The following LMTK3 variants were observed in gnomAD, a reference collection of about 807,000 sequenced individuals.
The protein encoded by LMTK3 is serine/threonine-protein kinase LMTK3.
A neutral mutation model predicts 116.7 loss-of-function variants in LMTK3; 27 were observed. The ratio of observed to expected loss-of-function variants is 0.23; its 90% CI spans 0.17 to 0.32. The LOEUF (loss-of-function observed/expected upper bound fraction) is 0.32. Among genes scored for constraint, LMTK3 ranks in the 10% least tolerant of loss-of-function variants. The pLI is 1.00. For synonymous variants in LMTK3, 965 were observed against 971.0 expected (o/e 0.99, Z 0.11); for missense variants, 1,764 against 2,068.5 (o/e 0.85, Z 2.86).
rs114550539 is a variant in LMTK3, at chr19:48,494,627, C to T, written c.3677-518G>A. Among the ~76,000 whole-genome samples the T allele has an allele frequency of 0.012, 1,842 of 152,282 alleles. 31 individuals carry two copies. Among genetic ancestry groups the T allele is most frequent in the African/African-American group, 0.041 (1,712 of 41,546 alleles). ...TACAGGCATGAGCCACCACACCCGG[C>T]CAGATCCACCTCTCTGAGCCTCTGT... On this transcript the variant is annotated intron_variant, in intron 11 of 14. Transcript: ENST00000600059. The surrounding 1 kb of genome is among the most constrained non-coding windows in gnomAD (Gnocchi z 4.0).
chr19:48,511,617 G>A lies in LMTK3; in HGVS notation c.-41C>T. On this transcript the variant is annotated 5_prime_UTR_variant, in exon 1 of 15. Coordinates refer to ENST00000600059, the MANE Select transcript of LMTK3 (RefSeq NM_001388485.1). Reference sequence around the variant, plus strand: ...AGGGAGGTGGAGGTGGTGGCGGCTGGGGAGGAGGGGGGGGCGGGCCCTCAG... The same window carrying A: ...AGGGAGGTGGAGGTGGTGGCGGCTGAGGAGGAGGGGGGGGCGGGCCCTCAG... 4.4e-6 allele frequency: 3 copies of A among 688,684 alleles called. No individual in the cohort carries two copies. The highest frequency in any genetic ancestry group is 2.4e-5 in the South Asian group (1 of 40,908). The allele number at this position is 688,684 out of a possible 1,614,324, so 42.7% of individuals were successfully genotyped here.
At position 48,485,745 on chromosome 19, in the gene LMTK3, G is replaced by A; in HGVS notation, c.*28C>T. ...TTCCATTCTCAACCCCTCTTCTGAG[G>A]GTGCAGCGGGGTCGGGTCTTCGGGG... is the stretch of plus-strand genomic sequence containing the variant. On this transcript the variant is annotated 3_prime_UTR_variant, in exon 15 of 15. Transcript: ENST00000600059. The A allele has an allele frequency of 1.7e-5, 27 of 1,607,514 alleles. No individual in the cohort carries two copies. Among genetic ancestry groups the A allele is most frequent in the Non-Finnish European group, 2.2e-5 (26 of 1,176,674 alleles).
chr19:48,513,442 G>C, upstream of LMTK3: 2 of 537,040 alleles, frequency 3.7e-6, no homozygotes, highest in Non-Finnish European at 6.7e-6. The surrounding 1 kb of genome is among the most constrained non-coding windows in gnomAD (Gnocchi z 5.6). Context: ...CCGGTCCATC[G>C]GGGACACCGA....
At chr19:48,501,660 C>G in intron 7 of LMTK3, 98 bp from the exon 8 acceptor site, 1 of 1,159,590 alleles carries the variant, frequency 8.6e-7, no homozygotes, top group Non-Finnish European at 1.2e-6. Context: ...CATGACCCTG[C>G]CCCGCCACAC....
chr19:48,510,186 G>A lies in LMTK3; in HGVS notation c.211-13C>T. ...GGTTCTCAAATTCCTGGGGCCAGGA[G>A]AGGAGAAGAGGGGTGGGAGAACGCA... On this transcript the variant is annotated splice_polypyrimidine_tract_variant and intron_variant, in intron 2 of 14. Coordinates refer to ENST00000600059, the MANE Select transcript of LMTK3 (RefSeq NM_001388485.1). 6 of 1,607,252 alleles carry A rather than the reference G, an allele frequency of 3.7e-6. No individual in the cohort carries two copies. The highest frequency in any genetic ancestry group is 5.1e-6 in the Non-Finnish European group (6 of 1,174,478).
In LMTK3 at chr19:48,499,065, G is replaced by A. The variant is rs1376375365; in HGVS notation, c.2004C>T (p.Pro668=). 2 of 1,542,520 alleles carry A rather than the reference G, an allele frequency of 1.3e-6. No homozygotes were observed. The highest frequency in any genetic ancestry group is 1.7e-6 in the Non-Finnish European group (2 of 1,149,354). The part of the protein sequence containing the change: ...GGGPSRRGPL[P]CPLCSREGAC... Reference sequence around the variant, plus strand: ...CCCCCTCGCGGCTGCACAGGGGACAGGGTAGGGGACCCCGGCGGCTTGGGC... The same window carrying A: ...CCCCCTCGCGGCTGCACAGGGGACAAGGTAGGGGACCCCGGCGGCTTGGGC... The change falls in exon 11 of 15, where the codon CCC becomes CCT. Residue 668 remains proline, a synonymous_variant. Transcript: ENST00000600059.
rs1972281067 is a variant in LMTK3, at chr19:48,494,048, C to G, written c.3738G>C (p.Pro1246=). 1 of 1,180,540 alleles carries G rather than the reference C, an allele frequency of 8.5e-7. No individual in the cohort carries two copies. The highest frequency in any genetic ancestry group is 4.6e-5 in the Admixed American group (1 of 21,854). 73.1% of individuals were successfully genotyped at this position (1,180,540 alleles called of 1,614,324 possible). A position where few individuals can be genotyped will look rare whatever the true frequency, so the allele number is the denominator to read the frequency against. ...PPLTLTPFPG[P]GPRRPPWEGA... ...CCTCCCACGGGGGCCGCCGCGGGCC[C>G]GGCCCCGGGAATGGCGTGAGCGTGA... is the stretch of plus-strand genomic sequence containing the variant. Residue 1246 remains proline (P), a synonymous_variant, in exon 12 of 15, where the codon CCG becomes CCC. Coordinates refer to ENST00000600059, the MANE Select transcript of LMTK3 (RefSeq NM_001388485.1). This position sits in a 1 kb window ranked among gnomAD's most constrained non-coding sequence, Gnocchi z 4.0.
chr19:48,499,718 A>G lies in LMTK3; in HGVS notation c.1351T>C (p.Phe451Leu), dbSNP rs748849502. 2 of 1,504,142 alleles carry G rather than the reference A, an allele frequency of 1.3e-6. No homozygotes were observed. Among genetic ancestry groups the G allele is most frequent in the Non-Finnish European group, 1.8e-6 (2 of 1,122,378 alleles). The allele number at this position is 1,504,142 out of a possible 1,614,324, so 93.2% of individuals were successfully genotyped here. ...APRPGTLSSP[F>L]PLLDGFPGAD... ...CCAGGGAAGCCATCCAGTAGGGGGA[A>G]CGGTGAGGAGAGGGTCCCCGGGCGG... The change falls in exon 11 of 15, where the codon TTC becomes CTC. Residue 451 changes from phenylalanine (F) to leucine (L), a missense_variant. Phe to Leu is a conservative substitution (Grantham distance 22). Transcript: ENST00000600059.
chr19:48,493,348 C>T (rs1325486692), intron 12 of LMTK3, among the ~76,000 whole-genome samples: 1 of 144,648 alleles, frequency 6.9e-6, no homozygotes. Context: ...AGCCCGCCCT[C>T]TCCCTGGGCC....
At position 48,485,461 on chromosome 19, in the gene LMTK3, G is replaced by A. The variant is rs1445891309; in HGVS notation, c.*312C>T. 5 of 371,730 alleles carry A rather than the reference G, an allele frequency of 1.3e-5. No homozygotes were observed. The highest frequency in any genetic ancestry group is 2.8e-5 in the South Asian group (1 of 35,342). The allele number at this position is 371,730 out of a possible 1,614,324, so 23.0% of individuals were successfully genotyped here. On this transcript the variant is annotated 3_prime_UTR_variant, in exon 15 of 15. Transcript: ENST00000600059. ...GGTGAGGAGGGACCTCCGCTGTGTC[G>A]AGGGGCTCCAGGCCCAAAAGAGTTC...
chr19:48,504,392 C>T (rs1035694038), intron 5 of LMTK3, among the ~76,000 whole-genome samples: 5 of 152,168 alleles, frequency 3.3e-5, no homozygotes, highest in South Asian at 2.1e-4. Context: ...CAAGCCACTT[C>T]GCTGCTCCCT....
rs566019706 is a variant in LMTK3 at position 48,508,167 on chromosome 19, C to T, written c.557+684G>A. On this transcript the variant is annotated intron_variant, in intron 5 of 14. Transcript: ENST00000600059. ...AGGGACAGTGTCAGACTGCGCAGGG[C>T]CTGTGGGCTGTCAGGAGGACCAGAT... 4.6e-5 allele frequency among the ~76,000 whole-genome samples: 7 copies of T among 152,150 alleles called. No individual in the cohort carries two copies. In the East Asian group the frequency reaches 1.2e-3, roughly 25 times the overall value.
intron 14 of LMTK3, among the ~76,000 whole-genome samples, chr19:48,488,487 C>T (rs1021412628): frequency 3.3e-5 from 5 of 152,042 alleles, no homozygotes; most frequent in African/African-American, 4.8e-5. Context: ...TGCTTATAGT[C>T]GTCCGTGGCT....
rs1347170541 is a variant in LMTK3, at chr19:48,511,750, C to T, written c.-174G>A. Reference sequence around the variant, plus strand: ...GGGCTGCTTGCTGGCTCAGGTACCCCCCTCCCCCTCTTTGAAGGGACAGAC... The same window carrying T: ...GGGCTGCTTGCTGGCTCAGGTACCCTCCTCCCCCTCTTTGAAGGGACAGAC... On this transcript the variant is annotated 5_prime_UTR_variant, in exon 1 of 15. Coordinates refer to ENST00000600059, the MANE Select transcript of LMTK3 (RefSeq NM_001388485.1). 2.4e-6 allele frequency: 1 copy of T among 413,732 alleles called. No individual in the cohort carries two copies. Among genetic ancestry groups the T allele is most frequent in the African/African-American group, 2.1e-5 (1 of 47,796 alleles). 25.6% of individuals were successfully genotyped at this position (413,732 alleles called of 1,614,324 possible). A position where few individuals can be genotyped will look rare whatever the true frequency, so the allele number is the denominator to read the frequency against.
Position 48,491,388 on chromosome 19 carries a change from T to C in LMTK3, c.4228+16A>G, listed in dbSNP as rs1385869262. ...ATGGCTCCCGCCCCCTCCCGCCCCA[T>C]AGGGCCCGTCCTCACCAAAGCCGCT... On this transcript the variant is annotated intron_variant, in intron 13 of 14. Coordinates refer to ENST00000600059, the MANE Select transcript of LMTK3 (RefSeq NM_001388485.1). This position sits in a 1 kb window ranked among gnomAD's most constrained non-coding sequence, Gnocchi z 5.1. 2 of 1,140,400 alleles carry C rather than the reference T, an allele frequency of 1.8e-6. No homozygotes were observed. Among genetic ancestry groups the C allele is most frequent in the East Asian group, 7.7e-5 (1 of 12,962 alleles). The allele number at this position is 1,140,400 out of a possible 1,614,324, so 70.6% of individuals were successfully genotyped here. A position where few individuals can be genotyped will look rare whatever the true frequency, so the allele number is the denominator to read the frequency against.
chr19:48,489,565 C>A (rs1024682392), intron 14 of LMTK3, among the ~76,000 whole-genome samples: 3 of 152,292 alleles, frequency 2.0e-5, no homozygotes, highest in Non-Finnish European at 2.9e-5. Context: ...GAGCAAAACT[C>A]CGTCTCAAAA....
At position 48,501,073 on chromosome 19, in the gene LMTK3, C is replaced by A; in HGVS notation, c.1074G>T (p.Glu358Asp). The change falls in exon 10 of 15, where the codon GAG becomes GAT. Residue 358 changes from glutamate (E) to aspartate (D), a missense_variant. Transcript: ENST00000600059. ...GCTGGCGGACCACGAAGGCGAGGACCTCCTCGTCTGACAGGTGGCGGTAGG... is the reference window on the plus strand; with the variant it reads ...GCTGGCGGACCACGAAGGCGAGGACATCCTCGTCTGACAGGTGGCGGTAGG... The part of the protein sequence containing the change: ...AQPYRHLSDE[E>D]VLAFVVRQQH... 1 of 1,578,758 alleles carries A rather than the reference C, an allele frequency of 6.3e-7. No individual in the cohort carries two copies. The highest frequency in any genetic ancestry group is 8.6e-7 in the Non-Finnish European group (1 of 1,163,248).
chr19:48,496,296 C>CTTTTTTTTTTTTT (rs1365263028), intron 11 of LMTK3, among the ~76,000 whole-genome samples: 11 of 142,198 alleles, frequency 7.7e-5, no homozygotes, highest in African/African-American at 2.5e-4. Flanking sequence ...TTTTCTTTTT[C>CTTTTTTTTTTTTT]TTTTCTTTTT....
chr19:48,491,590 A>G lies in LMTK3; in HGVS notation c.4093-51T>C, dbSNP rs186490686. Reference sequence around the variant, plus strand: ...CAGAGGGGACAAACCTTCACGTCCCATTTACCGCATCCCCCAAAAGCAACA... The same window carrying G: ...CAGAGGGGACAAACCTTCACGTCCCGTTTACCGCATCCCCCAAAAGCAACA... On this transcript the variant is annotated intron_variant, in intron 12 of 14. Transcript: ENST00000600059. The surrounding 1 kb of genome is among the most constrained non-coding windows in gnomAD (Gnocchi z 5.1). 662 of 1,289,874 alleles carry G rather than the reference A, an allele frequency of 5.1e-4. 4 individuals are homozygous for G. The African/African-American group carries it at 9.0e-3, about 18-fold the overall frequency. The allele number at this position is 1,289,874 out of a possible 1,614,324, so 79.9% of individuals were successfully genotyped here.
Sources: gnomAD v4.1 joint callset for allele counts (sites outside exome capture counted in the v4.1 genomes callset) on GRCh38, gnomAD v4.1.1 for gene constraint, Gnocchi (gnomAD v3.1) non-coding constraint, MANE v1.5 for transcripts, NCBI Gene and HGNC (gene_info 2026-07-23, HGNC 2026-07-21) for gene names.